COP1: variants seen among roughly 807,000 people sequenced by gnomAD.
COP1 encodes COP1 E3 ubiquitin ligase, also known as E3 ubiquitin-protein ligase COP1.
In COP1, 24 loss-of-function variants were observed where a neutral mutation model predicts 101.3. That is an observed-to-expected ratio of 0.24 (90% CI 0.17 to 0.33). The LOEUF (loss-of-function observed/expected upper bound fraction) is 0.33, where lower values mean the gene tolerates loss of function less well. COP1 is among the 10% of genes least tolerant of loss of function. The probability of loss-of-function intolerance (pLI) is 1.00; values close to 1 mark genes in which losing one functional copy is unlikely to be tolerated. For synonymous variants in COP1, 347 were observed against 341.9 expected (o/e 1.01, Z -0.17); for missense variants, 663 against 906.2 (o/e 0.73, Z 3.45).
At chr1:176,048,451 A>T (rs1671899871) in intron 11 of COP1, among the ~76,000 whole-genome samples, 1 of 152,166 alleles carries the variant, frequency 6.6e-6, no homozygotes, top group African/African-American at 2.4e-5. Context: ...TTATTTGTAC[A>T]ACCTCAATTG....
chr1:176,195,465 C>T (rs1208154489), intron 1 of COP1, among the ~76,000 whole-genome samples: 1 of 151,990 alleles, frequency 6.6e-6, no homozygotes, highest in Admixed American at 6.6e-5. Flanking sequence ...ACACATCAAC[C>T]AACTTTACTA....
intron 11 of COP1, among the ~76,000 whole-genome samples, chr1:176,048,542 C>G (rs535098819): frequency 6.6e-5 from 10 of 152,234 alleles, no homozygotes; most frequent in African/African-American, 2.4e-4. Context: ...TTCATCTATC[C>G]CAACTCAATT....
chr1:175,949,727 A>C (rs1411958170), intron 18 of COP1, among the ~76,000 whole-genome samples: 1 of 152,206 alleles, frequency 6.6e-6, no homozygotes, highest in Admixed American at 6.5e-5. Flanking sequence ...CTATGAGAAC[A>C]AATAATGACA....
chr1:175,979,785 C>T (rs756107774), intron 18 of COP1, among the ~76,000 whole-genome samples: 6 of 152,004 alleles, frequency 3.9e-5, no homozygotes, highest in Non-Finnish European at 5.9e-5. Context: ...CATTTAGTTT[C>T]AAGTGAGCCT....
intron 1 of COP1, among the ~76,000 whole-genome samples, chr1:176,192,278 T>G (rs182594197): frequency 2.6e-5 from 4 of 152,250 alleles, no homozygotes; most frequent in African/African-American, 7.2e-5. Flanking sequence ...GGGTTTACAG[T>G]TAACAGAAGA....
Position 176,206,685 on chromosome 1 carries a change from G to T in COP1, c.294C>A (p.Gly98=). Residue 98 remains glycine (G), a synonymous_variant, in exon 1 of 20, where the codon GGC becomes GGA. Coordinates refer to ENST00000367669, the MANE Select transcript of COP1 (RefSeq NM_022457.7). ...RHSCAARPSA[G]VGGSSSSLGS... ...CTAGGCTGGAGCTGCTGCCTCCTAC[G>T]CCGGCGCTGGGCCTGGCCGCGCAGC... The T allele has an allele frequency of 6.2e-7, 1 of 1,607,414 alleles. No individual in the cohort carries two copies.
intron 15 of COP1, among the ~76,000 whole-genome samples, chr1:176,006,325 A>G (rs1416480907): frequency 6.6e-6 from 1 of 152,152 alleles, no homozygotes; most frequent in Non-Finnish European, 1.5e-5. Context: ...GTGTCTTTTC[A>G]TTGGAGCATT....
intron 9 of COP1, among the ~76,000 whole-genome samples, chr1:176,102,394 C>A (rs1194554609): frequency 6.6e-6 from 1 of 152,184 alleles, no homozygotes; most frequent in Admixed American, 6.5e-5. Flanking sequence ...AATATCACTA[C>A]ACACATGAAA....
chr1:176,112,317 TTTA>T (rs891490022), intron 9 of COP1, among the ~76,000 whole-genome samples: 4 of 152,046 alleles, frequency 2.6e-5, no homozygotes, highest in Non-Finnish European at 5.9e-5. Flanking sequence ...TTTTTTAAAT[TTTA>T]TTATTATTAT....
At chr1:176,103,333 C>A (rs1262936196) in intron 9 of COP1, among the ~76,000 whole-genome samples, 1 of 152,198 alleles carries the variant, frequency 6.6e-6, no homozygotes, top group Non-Finnish European at 1.5e-5. Context: ...TGCACACACA[C>A]CAACCTCCAG....
intron 19 of COP1, among the ~76,000 whole-genome samples, chr1:175,946,340 T>C (rs943427223): frequency 2.0e-5 from 3 of 152,220 alleles, no homozygotes; most frequent in East Asian, 3.8e-4. Context: ...TTCACCTCTG[T>C]AGAATGTTTA....
intron 14 of COP1, among the ~76,000 whole-genome samples, chr1:176,041,080 TTGATATATGA>T (rs1170560131): frequency 6.6e-6 from 1 of 152,166 alleles, no homozygotes; most frequent in Non-Finnish European, 1.5e-5. Context: ...GAATTTTGCC[TTGATATATGA>T]TGAACTTCGT....
intron 12 of COP1, 135 bp downstream of exon 12, chr1:176,046,046 C>T: frequency 4.9e-6 from 3 of 617,588 alleles, no homozygotes; most frequent in Non-Finnish European, 8.0e-6. Flanking sequence ...ATAATATATA[C>T]TCTGTATACA....
intron 15 of COP1, among the ~76,000 whole-genome samples, chr1:176,009,238 T>G (rs534575844): frequency 1.2e-4 from 18 of 152,304 alleles, no homozygotes; most frequent in Admixed American, 1.2e-3. Context: ...TCTGATTATT[T>G]TCAACAATAC....
chr1:176,156,845 A>G (rs1343974847), intron 5 of COP1, among the ~76,000 whole-genome samples: 2 of 152,178 alleles, frequency 1.3e-5, no homozygotes, highest in Admixed American at 6.6e-5. Context: ...GTAGACAATT[A>G]TAATAATAAC....
intron 11 of COP1, among the ~76,000 whole-genome samples, chr1:176,070,336 T>TA (rs1018262591): frequency 7.5e-5 from 9 of 120,160 alleles, no homozygotes; most frequent in Non-Finnish European, 1.4e-4. Flanking sequence ...TGTGCTGCCT[T>TA]TTTTTTTTTT....
At position 176,196,642 on chromosome 1, in the gene COP1, A is replaced by C. The variant is rs142764439; in HGVS notation, c.407+9930T>G. Among the ~76,000 whole-genome samples the C allele has an allele frequency of 7.4e-4, 112 of 152,292 alleles. No individual in the cohort carries two copies. The East Asian group carries it at 9.5e-3, about 13-fold the overall frequency. On this transcript the variant is annotated intron_variant, in intron 1 of 19. Transcript: ENST00000367669. ...CATACAAAATATATGAAGACCCAAA[A>C]CTATGGCTTCACCAGTAAGTTCCAC... is the stretch of plus-strand genomic sequence containing the variant.
chr1:176,190,474 T>C (rs1698996904), intron 1 of COP1, among the ~76,000 whole-genome samples: 1 of 151,352 alleles, frequency 6.6e-6, no homozygotes, highest in Non-Finnish European at 1.5e-5. Context: ...AGGACAGATA[T>C]CATACTGCAC....
At chr1:175,985,837 C>A (rs1210724212) in intron 18 of COP1, among the ~76,000 whole-genome samples, 2 of 151,996 alleles carry the variant, frequency 1.3e-5, no homozygotes, top group Non-Finnish European at 2.9e-5. Flanking sequence ...AATGGAGCCA[C>A]AGAACTTTAA....
Sources: allele counts gnomAD v4.1 joint callset (sites outside exome capture counted in the v4.1 genomes callset), GRCh38; gene constraint gnomAD v4.1.1; transcripts MANE v1.5; gene names NCBI Gene and HGNC (gene_info 2026-07-23, HGNC 2026-07-21).